Variants in AKAIN1 observed in about 807,000 individuals in gnomAD.
AKAIN1 encodes A-kinase anchor protein inhibitor 1.
AKAIN1 carries 3 observed loss-of-function variants against 3.7 expected under a neutral mutation model. The observed-to-expected ratio is 0.82, with a 90% CI of 0.37 to 2.12. AKAIN1 has a LOEUF of 2.12. Among genes scored for constraint, AKAIN1 ranks in the 30% most tolerant of loss-of-function variants. AKAIN1 has a pLI of 0.06. For synonymous variants in AKAIN1, 31 were observed against 30.8 expected, an observed-to-expected ratio of 1.01 and a Z score of -0.02; for missense variants, 82 against 82.7, an observed-to-expected ratio of 0.99 and a Z score of 0.03.
intron 1 of AKAIN1, among the ~76,000 whole-genome samples, chr18:5,187,639 A>G (rs542302831): frequency 5.3e-5 from 8 of 152,090 alleles, no homozygotes; most frequent in Non-Finnish European, 8.8e-5. Flanking sequence ...TTCACAACTT[A>G]ATTACCTGTT....
At chr18:5,175,754 C>T (rs2071222497) in intron 1 of AKAIN1, among the ~76,000 whole-genome samples, 2 of 152,036 alleles carry the variant, frequency 1.3e-5, no homozygotes. Flanking sequence ...ATATTTGAAA[C>T]TAGTATTGCA....
chr18:5,177,596 G>A (rs2071233597), intron 1 of AKAIN1, among the ~76,000 whole-genome samples: 2 of 151,950 alleles, frequency 1.3e-5, no homozygotes, highest in African/African-American at 4.8e-5. Context: ...TCTAAACAAA[G>A]TAAGATACTT....
intron 1 of AKAIN1, among the ~76,000 whole-genome samples, chr18:5,193,112 TATAAATACCTTGCA>T (rs1276298809): frequency 6.6e-6 from 1 of 152,196 alleles, no homozygotes; most frequent in African/African-American, 2.4e-5. Context: ...GAATAAAAGT[TATAAATACCTTGCA>T]ATAAATACTT....
At chr18:5,168,057 T>G (rs2071176550) in intron 1 of AKAIN1, among the ~76,000 whole-genome samples, 1 of 152,058 alleles carries the variant, frequency 6.6e-6, no homozygotes, top group South Asian at 2.1e-4. Flanking sequence ...CCCAAACCCA[T>G]CTGAACACAA....
chr18:5,197,506 A>AAAAAT, upstream of AKAIN1: 1 of 1,219,820 alleles, frequency 8.2e-7, no homozygotes, highest in Non-Finnish European at 1.0e-6. The surrounding 1 kb of genome is among the most constrained non-coding windows in gnomAD (Gnocchi z 6.9). Flanking sequence ...AGATTTGTCA[A>AAAAAT]AAAAAAAAAA....
At chr18:5,148,662 C>T (rs2071062776) in intron 1 of AKAIN1, among the ~76,000 whole-genome samples, 1 of 152,080 alleles carries the variant, frequency 6.6e-6, no homozygotes, top group African/African-American at 2.4e-5. Context: ...TTGAGACCAG[C>T]CTGGCCAACA....
intron 1 of AKAIN1, chr18:5,159,479 TA>T (rs951812116): frequency 4.6e-5 from 7 of 152,162 alleles, no homozygotes; most frequent in African/African-American, 1.7e-4. Flanking sequence ...CAAATAAAAT[TA>T]AATTACATGT....
At chr18:5,194,478 G>A (rs900607810) in intron 1 of AKAIN1, among the ~76,000 whole-genome samples, 23 of 152,260 alleles carry the variant, frequency 1.5e-4, no homozygotes, top group African/African-American at 5.5e-4. Flanking sequence ...CCTAAATAGG[G>A]TTAATAAAGT....
At chr18:5,188,544 C>T (rs1293680816) in intron 1 of AKAIN1, among the ~76,000 whole-genome samples, 1 of 152,016 alleles carries the variant, frequency 6.6e-6, no homozygotes, top group Non-Finnish European at 1.5e-5. Flanking sequence ...CACTTCTAAG[C>T]CCTTATGTAG....
At chr18:5,183,000 C>T (rs72870809) in intron 1 of AKAIN1, among the ~76,000 whole-genome samples, 18,227 of 152,024 alleles carry the variant, frequency 0.12, 1,147 homozygotes, top group South Asian at 0.12. Flanking sequence ...TTGTCCCTAA[C>T]TCTATTTTGC....
chr18:5,171,161 C>A (rs908331601), intron 1 of AKAIN1: 1 of 152,166 alleles, frequency 6.6e-6, no homozygotes, highest in Non-Finnish European at 1.5e-5. Flanking sequence ...GTAGTATTTT[C>A]TCTTCATTTT....
rs1434789184 is a variant in AKAIN1, at chr18:5,145,387, C to T, written c.*175G>A. On this transcript the variant is annotated 3_prime_UTR_variant, in exon 2 of 2. Transcript: ENST00000434239. Reference sequence around the variant, plus strand: ...GGCACTGCATAAATATGAACAGAATCGTCTAATGCACTTTTTCAAAACAGT... The same window carrying T: ...GGCACTGCATAAATATGAACAGAATTGTCTAATGCACTTTTTCAAAACAGT... 9.1e-6 allele frequency: 5 copies of T among 547,198 alleles called. No individual in the cohort carries two copies. Among genetic ancestry groups the T allele is most frequent in the East Asian group, 8.6e-5 (3 of 34,972 alleles). The allele number at this position is 547,198 out of a possible 1,614,324, so 33.9% of individuals were successfully genotyped here. A position where few individuals can be genotyped will look rare whatever the true frequency, so the allele number is the denominator to read the frequency against.
intron 1 of AKAIN1, among the ~76,000 whole-genome samples, chr18:5,191,969 C>A (rs978835033): frequency 1.3e-5 from 2 of 152,088 alleles, no homozygotes; most frequent in Admixed American, 6.6e-5. Flanking sequence ...CAGAAGGTAG[C>A]TTTCAATGAT....
At chr18:5,181,131 A>G (rs2071255626) in intron 1 of AKAIN1, among the ~76,000 whole-genome samples, 1 of 151,992 alleles carries the variant, frequency 6.6e-6, no homozygotes, top group Admixed American at 6.6e-5. Context: ...TTAAAAAAAA[A>G]AAAAGTAAAA....
At chr18:5,158,065 G>A (rs537219991) in intron 1 of AKAIN1, among the ~76,000 whole-genome samples, 10 of 152,210 alleles carry the variant, frequency 6.6e-5, no homozygotes, top group South Asian at 2.1e-4. Context: ...ATAATGGCAC[G>A]CCCTCACAAG....
chr18:5,164,968 A>T (rs546412596), intron 1 of AKAIN1, among the ~76,000 whole-genome samples: 1 of 152,176 alleles, frequency 6.6e-6, no homozygotes, highest in East Asian at 1.9e-4. Context: ...GAATGTATAA[A>T]TAACATTTTC....
intron 1 of AKAIN1, among the ~76,000 whole-genome samples, chr18:5,186,208 C>A (rs2071286415): frequency 6.6e-6 from 1 of 152,000 alleles, no homozygotes; most frequent in East Asian, 1.9e-4. Flanking sequence ...ACAACAGATA[C>A]CAGGGCCTAC....
chr18:5,181,310 G>T (rs2071257149), intron 1 of AKAIN1, among the ~76,000 whole-genome samples: 1 of 151,858 alleles, frequency 6.6e-6, no homozygotes, highest in African/African-American at 2.4e-5. Flanking sequence ...AATAAAAGAA[G>T]TATAATTTTT....
At chr18:5,187,524 CAG>C (rs1052863329) in intron 1 of AKAIN1, among the ~76,000 whole-genome samples, 8 of 152,148 alleles carry the variant, frequency 5.3e-5, no homozygotes, top group Non-Finnish European at 8.8e-5. Context: ...ATATATGAAA[CAG>C]AGAGAAATGG....
Sources: gnomAD v4.1 joint callset for allele counts (sites outside exome capture counted in the v4.1 genomes callset) on GRCh38, gnomAD v4.1.1 for gene constraint, Gnocchi (gnomAD v3.1) non-coding constraint, MANE v1.5 for transcripts, NCBI Gene and HGNC (gene_info 2026-07-23, HGNC 2026-07-21) for gene names.